The following NOLC1 variants were observed in gnomAD, a reference collection of about 807,000 sequenced individuals.
NOLC1 encodes nucleolar and coiled-body phosphoprotein 1.
A neutral mutation model predicts 73.4 loss-of-function variants in NOLC1; 37 were observed. The ratio of observed to expected loss-of-function variants is 0.50; its 90% CI spans 0.39 to 0.66. The LOEUF is 0.66. Ranked by LOEUF, NOLC1 falls within the 30% of genes least tolerant of loss-of-function variation. NOLC1 has a pLI of 0.00. For missense variants in NOLC1, 921 were observed against 838.9 expected (o/e 1.10, Z -1.21); for synonymous variants, 327 against 302.6 (o/e 1.08, Z -0.84).
chr10:102,153,287 A>C (rs768453183), intron 1 of NOLC1, among the ~76,000 whole-genome samples: 1 of 152,220 alleles, frequency 6.6e-6, no homozygotes, highest in Non-Finnish European at 1.5e-5. Flanking sequence ...GTACAGAGGA[A>C]TCTTGTAAAA....
intron 7 of NOLC1, 48 bp downstream of exon 7, chr10:102,159,616 GC>G: frequency 6.3e-7 from 1 of 1,584,102 alleles, no homozygotes; most frequent in Non-Finnish European, 8.6e-7. Context: ...TCAGGGCCCA[GC>G]TGCAGTAACC....
Position 102,162,345 on chromosome 10 carries a change from A to C in NOLC1, c.*76A>C. 7 of 1,512,206 alleles carry C rather than the reference A, an allele frequency of 4.6e-6. No individual in the cohort carries two copies. The highest frequency in any genetic ancestry group is 6.3e-6 in the Non-Finnish European group (7 of 1,107,548). The allele number at this position is 1,512,206 out of a possible 1,614,324, so 93.7% of individuals were successfully genotyped here. ...TTCTCCAGTGGACCTGGGAACCCTC[A>C]GGTCTCTAGGTGAGGGTCTTGATGA... On this transcript the variant is annotated 3_prime_UTR_variant, in exon 13 of 13. Transcript: ENST00000605788.
intron 7 of NOLC1, 91 bp downstream of exon 7, chr10:102,159,659 T>C (rs1341097422): frequency 7.5e-7 from 1 of 1,339,464 alleles, no homozygotes; most frequent in African/African-American, 1.5e-5. Context: ...TGCATGAGCG[T>C]CCTCATGACA....
chr10:102,159,457 G>T lies in NOLC1; in HGVS notation c.748G>T (p.Ala250Ser), dbSNP rs2069661053. 6.2e-7 allele frequency: 1 copy of T among 1,614,138 alleles called. No individual in the cohort carries two copies. Residue 250 changes from alanine to serine, a missense_variant, in exon 7 of 13, where the codon GCC (alanine) becomes TCC (serine). Ala to Ser is a moderately conservative substitution (Grantham distance 99, BLOSUM62 1). Transcript: ENST00000605788. ...KKTVPKKQVV[A>S]KAPVKAATTP... ...GACTGTACCTAAAAAGCAAGTTGTGGCCAAGGCCCCAGTGAAAGCAGCTAC... is the reference window on the plus strand; with the variant it reads ...GACTGTACCTAAAAAGCAAGTTGTGTCCAAGGCCCCAGTGAAAGCAGCTAC...
Position 102,160,597 on chromosome 10 carries a change from G to C in NOLC1, c.1245G>C (p.Lys415Asn). ...AGCAACCTGTGGGCGGTGGCCAGAA[G>C]CTTCTGACGAGAAAGGCTGACAGCA... ...APKQPVGGGQ[K>N]LLTRKADSSS... The change falls in exon 10 of 13, where the codon AAG (lysine) becomes AAC (asparagine). Residue 415 changes from lysine to asparagine, a missense_variant. Lys to Asn is a moderately conservative substitution (Grantham distance 94). Transcript: ENST00000605788. 1.2e-6 allele frequency: 2 copies of C among 1,614,234 alleles called. No individual in the cohort carries two copies. The highest frequency in any genetic ancestry group is 1.7e-6 in the Non-Finnish European group (2 of 1,180,038).
intron 1 of NOLC1, among the ~76,000 whole-genome samples, chr10:102,155,168 G>A (rs1198396458): frequency 6.6e-6 from 1 of 151,670 alleles, no homozygotes; most frequent in Non-Finnish European, 1.5e-5. Context: ...GATTATTACA[G>A]GCATGCGCCA....
Position 102,159,173 on chromosome 10 carries a change from C to G in NOLC1, c.608-20C>G, listed in dbSNP as rs760927270. The G allele has an allele frequency of 6.4e-7, 1 of 1,571,046 alleles. No homozygotes were observed. The highest frequency in any genetic ancestry group is 8.7e-7 in the Non-Finnish European group (1 of 1,153,456). On this transcript the variant is annotated intron_variant, in intron 5 of 12. Coordinates refer to ENST00000605788, the MANE Select transcript of NOLC1 (RefSeq NM_004741.5). Reference sequence around the variant, plus strand: ...CTTGCCCTAATACTCCTTACTCTTTCTTTTTCTTGGGTATTCCAGCTCGAG... The same window carrying G: ...CTTGCCCTAATACTCCTTACTCTTTGTTTTTCTTGGGTATTCCAGCTCGAG...
At chr10:102,158,943 A>T (rs934597706) in intron 5 of NOLC1, among the ~76,000 whole-genome samples, 4 of 151,582 alleles carry the variant, frequency 2.6e-5, no homozygotes, top group Admixed American at 1.3e-4. Flanking sequence ...AAAAATATAA[A>T]AATTAGCTGG....
At chr10:102,161,232 G>A (rs2069704484) in intron 10 of NOLC1, 139 bp downstream of exon 10, 1 of 903,678 alleles carries the variant, frequency 1.1e-6, no homozygotes, top group African/African-American at 1.7e-5. Context: ...ACAGGAAACT[G>A]GTTACCTTTT....
rs752909335 is a variant in NOLC1 at position 102,160,665 on chromosome 10, CAAAG to C, written c.1316_1319del (p.Lys439ArgfsTer58). 1.9e-6 allele frequency: 3 copies of C among 1,614,086 alleles called. No individual in the cohort carries two copies. Among genetic ancestry groups the C allele is most frequent in the Non-Finnish European group, 8.5e-7 (1 of 1,180,000 alleles). On this transcript the variant is annotated frameshift_variant, in exon 10 of 13. Coordinates refer to ENST00000605788, the MANE Select transcript of NOLC1 (RefSeq NM_004741.5). LOFTEE classifies it high-confidence loss of function. Reference sequence around the variant, plus strand: ...AGCAGCTCCAGTGAGGAGGAGAAGACAAAGAAGATGGTGGCCACCACTAAGCCCA... The same window carrying C: ...AGCAGCTCCAGTGAGGAGGAGAAGACAAGATGGTGGCCACCACTAAGCCCA...
chr10:102,161,514 G>T, intron 10 of NOLC1, 42 bp from the exon 11 acceptor site: 1 of 1,459,474 alleles, frequency 6.9e-7, no homozygotes, highest in Non-Finnish European at 9.6e-7. Context: ...TTACAGTTGT[G>T]AGCCACTGTA....
At chr10:102,154,626 GTGCCTCAGCCTCA>G (rs775038009) in intron 1 of NOLC1, among the ~76,000 whole-genome samples, 208 of 151,224 alleles carry the variant, frequency 1.4e-3, no homozygotes, top group Admixed American at 2.6e-3. Flanking sequence ...AGCGATTCTT[GTGCCTCAGCCTCA>G]TGCCTCAGCC....
intron 5 of NOLC1, among the ~76,000 whole-genome samples, chr10:102,158,766 AT>A (rs2069645634): frequency 6.6e-6 from 1 of 152,114 alleles, no homozygotes; most frequent in South Asian, 2.1e-4. Context: ...CATGGCTGGC[AT>A]TCTCCTCGAT....
In NOLC1 at chr10:102,160,227, C is replaced by T; in HGVS notation, c.989-6C>T. On this transcript the variant is annotated splice_region_variant and splice_polypyrimidine_tract_variant and intron_variant, in intron 8 of 12. Transcript: ENST00000605788. Reference sequence around the variant, plus strand: ...GACCCAGCATAATGCTACAGGTTCTCCTCAGATTCAAGTTCTGAAGAAGAG... The same window carrying T: ...GACCCAGCATAATGCTACAGGTTCTTCTCAGATTCAAGTTCTGAAGAAGAG... The T allele has an allele frequency of 6.2e-7, 1 of 1,613,068 alleles. No individual in the cohort carries two copies.
chr10:102,159,970 G>A lies in NOLC1; in HGVS notation c.934G>A (p.Ala312Thr), dbSNP rs752923426. 6.2e-7 allele frequency: 1 copy of A among 1,611,590 alleles called. No homozygotes were observed. The highest frequency in any genetic ancestry group is 8.5e-7 in the Non-Finnish European group (1 of 1,178,878). Reference sequence around the variant, plus strand: ...TCTGGGAACCCAGCCTCCCAAGAAGGCTGTGGAGAAGCAGCAGCCTGTGGA... The same window carrying A: ...TCTGGGAACCCAGCCTCCCAAGAAGACTGTGGAGAAGCAGCAGCCTGTGGA... ...KSLGTQPPKK[A>T]VEKQQPVESS... Residue 312 changes from alanine to threonine, a missense_variant, in exon 8 of 13, where the codon GCT (alanine) becomes ACT (threonine). Coordinates refer to ENST00000605788, the MANE Select transcript of NOLC1 (RefSeq NM_004741.5).
chr10:102,152,399 A>G lies in NOLC1; in HGVS notation c.-12A>G. On this transcript the variant is annotated 5_prime_UTR_variant, in exon 1 of 13. Transcript: ENST00000605788. ...TGCGTCGACAACGGTAGTGACGCGT[A>G]TTGCCTGGAGGATGGCGGACGCCGG... 1 of 1,608,198 alleles carries G rather than the reference A, an allele frequency of 6.2e-7. No homozygotes were observed. Among genetic ancestry groups the G allele is most frequent in the Non-Finnish European group, 8.5e-7 (1 of 1,179,988 alleles).
chr10:102,160,646 T>C lies in NOLC1; in HGVS notation c.1294T>C (p.Ser432Pro), dbSNP rs1027281574. 4 of 1,613,820 alleles carry C rather than the reference T, an allele frequency of 2.5e-6. No individual in the cohort carries two copies. Among genetic ancestry groups the C allele is most frequent in the African/African-American group, 2.7e-5 (2 of 74,818 alleles). Residue 432 changes from serine to proline, a missense_variant, in exon 10 of 13, where the codon TCC (serine) becomes CCC (proline). By Grantham distance (74) the Ser-to-Pro change is moderately conservative. Coordinates refer to ENST00000605788, the MANE Select transcript of NOLC1 (RefSeq NM_004741.5). ...DSSSSEEESS[S>P]SEEEKTKKMV... ...CAGCTCCAGTGAGGAAGAGAGCAGC[T>C]CCAGTGAGGAGGAGAAGACAAAGAA...
chr10:102,153,265 A>G (rs966969266), intron 1 of NOLC1, among the ~76,000 whole-genome samples: 6 of 152,220 alleles, frequency 3.9e-5, no homozygotes, highest in African/African-American at 1.4e-4. Flanking sequence ...AAGAGTAGCA[A>G]TCTCAGTGCT....
Position 102,157,524 on chromosome 10 carries a change from A to G in NOLC1, c.410A>G (p.Asp137Gly), listed in dbSNP as rs747205839. The G allele has an allele frequency of 1.2e-6, 2 of 1,614,182 alleles. No homozygotes were observed. Among genetic ancestry groups the G allele is most frequent in the Admixed American group, 1.7e-5 (1 of 60,014 alleles). The stretch of plus-strand genomic sequence containing the variant: ...AGTGAAGAGTCCAGTGATGATGATG[A>G]TGAGGAGGACCAAAAGAAACAGCCT... ...SSSEESSDDD[D>G]EEDQKKQPVQ... The change falls in exon 4 of 13, where the codon GAT (aspartate) becomes GGT (glycine). Residue 137 changes from aspartate (D) to glycine (G), a missense_variant. By Grantham distance (94) the Asp-to-Gly change is moderately conservative. Transcript: ENST00000605788.
Sources: allele counts gnomAD v4.1 joint callset (sites outside exome capture counted in the v4.1 genomes callset), GRCh38; gene constraint gnomAD v4.1.1; transcripts MANE v1.5; gene names NCBI Gene and HGNC (gene_info 2026-07-23, HGNC 2026-07-21).